The following ZNF804A variants were observed in gnomAD, a reference collection of about 807,000 sequenced individuals.
The protein encoded by ZNF804A is zinc finger protein 804A.
ZNF804A carries 2 observed loss-of-function variants against 16.5 expected under a neutral mutation model. The observed-to-expected ratio is 0.12, with a 90% CI of 0.05 to 0.38. ZNF804A has a LOEUF of 0.38. Among genes scored for constraint, ZNF804A ranks in the 10% least tolerant of loss-of-function variants. ZNF804A has a pLI of 0.99. For synonymous variants in ZNF804A, 534 were observed against 489.6 expected (o/e 1.09, Z -1.20); for missense variants, 1,473 against 1,390.7 (o/e 1.06, Z -0.94).
At chr2:184,934,730 T>C (rs972978992) in intron 3 of ZNF804A, among the ~76,000 whole-genome samples, 3 of 152,120 alleles carry the variant, frequency 2.0e-5, no homozygotes, top group African/African-American at 7.2e-5. Context: ...GAACTAGAGC[T>C]AATAATGATA....
intron 1 of ZNF804A, among the ~76,000 whole-genome samples, chr2:184,833,995 A>G (rs547360159): frequency 1.6e-4 from 25 of 151,550 alleles, no homozygotes; most frequent in Non-Finnish European, 3.4e-4. Flanking sequence ...TGTAGATTTC[A>G]ATTTTATATT....
At chr2:184,687,367 T>C (rs1301505484) in intron 1 of ZNF804A, among the ~76,000 whole-genome samples, 1 of 152,230 alleles carries the variant, frequency 6.6e-6, no homozygotes, top group African/African-American at 2.4e-5. Flanking sequence ...CAAAGATCAG[T>C]ACCACTTATT....
At chr2:184,771,166 A>G (rs1021390527) in intron 1 of ZNF804A, among the ~76,000 whole-genome samples, 7 of 152,106 alleles carry the variant, frequency 4.6e-5, no homozygotes, top group Admixed American at 3.9e-4. Context: ...AAATATTTAC[A>G]TTCTTTGATT....
chr2:184,915,747 C>A (rs549099947), intron 2 of ZNF804A, among the ~76,000 whole-genome samples: 1 of 151,892 alleles, frequency 6.6e-6, no homozygotes, highest in Non-Finnish European at 1.5e-5. Flanking sequence ...ATCTAAAGAA[C>A]GAGAGGCCTT....
At chr2:184,877,799 G>A (rs920027643) in intron 2 of ZNF804A, among the ~76,000 whole-genome samples, 13 of 151,940 alleles carry the variant, frequency 8.6e-5, no homozygotes, top group Admixed American at 5.3e-4. Flanking sequence ...CCCCTTTGAT[G>A]ATGTTTCATC....
At chr2:184,708,010 G>A (rs1486044960) in intron 1 of ZNF804A, among the ~76,000 whole-genome samples, 1 of 151,908 alleles carries the variant, frequency 6.6e-6, no homozygotes, top group Non-Finnish European at 1.5e-5. Flanking sequence ...TCTCATTGTG[G>A]CTTTGACTTG....
chr2:184,846,353 T>C (rs147316665), intron 1 of ZNF804A, among the ~76,000 whole-genome samples: 1 of 152,276 alleles, frequency 6.6e-6, no homozygotes, highest in African/African-American at 2.4e-5. Context: ...TATATGCCTT[T>C]TTTCTACCTT....
At chr2:184,862,635 A>G (rs965210449) in intron 1 of ZNF804A, among the ~76,000 whole-genome samples, 3 of 151,664 alleles carry the variant, frequency 2.0e-5, no homozygotes, top group East Asian at 1.9e-4. Flanking sequence ...GTCTTTTATC[A>G]TAGTTTTGTA....
chr2:184,693,220 T>TA (rs1231593431), intron 1 of ZNF804A, among the ~76,000 whole-genome samples: 1 of 152,142 alleles, frequency 6.6e-6, no homozygotes, highest in African/African-American at 2.4e-5. Flanking sequence ...AATCTAGGAT[T>TA]AAAAAATAAT....
intron 1 of ZNF804A, among the ~76,000 whole-genome samples, chr2:184,613,254 TTCTC>T (rs1197464812): frequency 2.0e-5 from 3 of 152,158 alleles, no homozygotes; most frequent in Non-Finnish European, 1.5e-5. Flanking sequence ...ATCATTCATA[TTCTC>T]TCTCTTTCTC....
chr2:184,610,215 A>T (rs987139392), intron 1 of ZNF804A, among the ~76,000 whole-genome samples: 1 of 152,238 alleles, frequency 6.6e-6, no homozygotes, highest in African/African-American at 2.4e-5. Context: ...TTGTCACCAG[A>T]TGCAGTCCAA....
intron 1 of ZNF804A, among the ~76,000 whole-genome samples, chr2:184,601,695 G>A (rs1196824182): frequency 6.6e-6 from 1 of 151,422 alleles, no homozygotes; most frequent in African/African-American, 2.4e-5. Flanking sequence ...TCACATTTTT[G>A]TATTTTGAAT....
At chr2:184,669,017 A>G (rs574676357) in intron 1 of ZNF804A, among the ~76,000 whole-genome samples, 5 of 152,054 alleles carry the variant, frequency 3.3e-5, no homozygotes, top group African/African-American at 1.2e-4. Context: ...TCTTTCAAAT[A>G]TATAGTACTC....
intron 1 of ZNF804A, among the ~76,000 whole-genome samples, chr2:184,656,145 C>A (rs370137812): frequency 3.9e-4 from 59 of 152,120 alleles, no homozygotes; most frequent in Middle Eastern, 6.8e-3. Context: ...TTTTAACCCA[C>A]AGAGTGGCAT....
intron 2 of ZNF804A, among the ~76,000 whole-genome samples, chr2:184,897,090 G>A (rs942757638): frequency 2.6e-5 from 4 of 152,016 alleles, no homozygotes; most frequent in African/African-American, 9.7e-5. Context: ...TTGTAGTTAT[G>A]TTTATACAAA....
intron 1 of ZNF804A, among the ~76,000 whole-genome samples, chr2:184,715,311 C>G (rs1193905438): frequency 6.6e-6 from 1 of 152,148 alleles, no homozygotes; most frequent in East Asian, 1.9e-4. Context: ...GTGTTCACTT[C>G]TGAAAATATG....
intron 2 of ZNF804A, among the ~76,000 whole-genome samples, chr2:184,880,283 C>T (rs1352554722): frequency 1.3e-5 from 2 of 152,048 alleles, no homozygotes; most frequent in African/African-American, 2.4e-5. Context: ...AAAGATATGA[C>T]AGCTTTACCC....
At chr2:184,636,219 A>G (rs1289438850) in intron 1 of ZNF804A, among the ~76,000 whole-genome samples, 1 of 150,758 alleles carries the variant, frequency 6.6e-6, no homozygotes, top group Non-Finnish European at 1.5e-5. Flanking sequence ...CAGTGACTCA[A>G]TGGCTTTTTT....
At chr2:184,917,751 G>A (rs1685473199) in intron 2 of ZNF804A, among the ~76,000 whole-genome samples, 2 of 151,316 alleles carry the variant, frequency 1.3e-5, no homozygotes, top group Non-Finnish European at 2.9e-5. Context: ...ATCCACTGGG[G>A]CTTTTGGAAT....
Sources: allele counts gnomAD v4.1 joint callset (sites outside exome capture counted in the v4.1 genomes callset), GRCh38; gene constraint gnomAD v4.1.1; transcripts MANE v1.5; gene names NCBI Gene and HGNC (gene_info 2026-07-23, HGNC 2026-07-21).